Variants in SIPA1L2 observed in about 807,000 individuals in gnomAD.
The protein encoded by SIPA1L2 is signal induced proliferation associated 1 like 2, also known as signal-induced proliferation-associated 1-like protein 2.
Under a neutral mutation model 163.9 loss-of-function variants are expected in SIPA1L2, and 56 were observed. The ratio of observed to expected loss-of-function variants is 0.34; its 90% CI spans 0.28 to 0.43. SIPA1L2 has a LOEUF of 0.43. SIPA1L2 is among the 20% of genes least tolerant of loss of function. The probability of loss-of-function intolerance (pLI) is 1.00; values close to 1 mark genes in which losing one functional copy is unlikely to be tolerated. For missense variants in SIPA1L2, 1,974 were observed against 2,193.5 expected, an observed-to-expected ratio of 0.90 and a Z score of 2.00; for synonymous variants, 877 against 865.7, an observed-to-expected ratio of 1.01 and a Z score of -0.23.
chr1:232,484,820 T>G (rs996579216), intron 5 of SIPA1L2, among the ~76,000 whole-genome samples: 1 of 152,204 alleles, frequency 6.6e-6, no homozygotes, highest in Non-Finnish European at 1.5e-5. Flanking sequence ...ACCAGCAATC[T>G]GAGCCTGAAA....
intron 22 of SIPA1L2, 118 bp downstream of exon 22, chr1:232,402,274 C>T (rs1366940220): frequency 1.3e-6 from 1 of 746,188 alleles, no homozygotes; most frequent in Non-Finnish European, 2.1e-6. Flanking sequence ...TGGTATTTAT[C>T]ATTGGTTTTT....
chr1:232,578,148 A>G (rs535785919), intron 1 of SIPA1L2, among the ~76,000 whole-genome samples: 1 of 152,304 alleles, frequency 6.6e-6, no homozygotes, highest in South Asian at 2.1e-4. Flanking sequence ...AATCATTTGC[A>G]TTTTTTAGCA....
intron 1 of SIPA1L2, among the ~76,000 whole-genome samples, chr1:232,607,796 C>G (rs143897460): frequency 2.4e-4 from 36 of 151,752 alleles, no homozygotes; most frequent in Admixed American, 4.6e-4. Flanking sequence ...TATCTCATGC[C>G]TGTAATCCCA....
intron 3 of SIPA1L2, 69 bp from the exon 4 acceptor site, chr1:232,493,729 C>T (rs3737839): frequency 0.25 from 396,774 of 1,572,496 alleles, 51,661 homozygotes; most frequent in Admixed American, 0.4. Context: ...GGATATCTCT[C>T]AGTTTGTGTA....
rs954188446 is a variant in SIPA1L2 at position 232,422,447 on chromosome 1, T to C, written c.4630+3142A>G. ...CTGAAAGAGAAGCCTGTGACTATGA[T>C]AATTACATGTAGAAAAGGTGCAGAG... On this transcript the variant is annotated intron_variant, in intron 18 of 22. Coordinates refer to ENST00000674635, the MANE Select transcript of SIPA1L2 (RefSeq NM_020808.5). Among the ~76,000 whole-genome samples, 3 of 152,324 alleles carry C rather than the reference T, an allele frequency of 2.0e-5. No homozygotes were observed. The South Asian group carries it at 6.2e-4, about 32-fold the overall frequency.
At chr1:232,630,285 C>T (rs1001449795), upstream of SIPA1L2, among the ~76,000 whole-genome samples, 1 of 151,838 alleles carries the variant, frequency 6.6e-6, no homozygotes, top group Non-Finnish European at 1.5e-5. Context: ...CCGCCCGGCT[C>T]CGGGCGCAGC....
chr1:232,484,522 T>C (rs1026476973), intron 5 of SIPA1L2, among the ~76,000 whole-genome samples: 9 of 152,230 alleles, frequency 5.9e-5, no homozygotes, highest in Non-Finnish European at 8.8e-5. Flanking sequence ...AACATTAAAA[T>C]GTTTTGTTGC....
chr1:232,497,436 C>T (rs1422583844), intron 3 of SIPA1L2, among the ~76,000 whole-genome samples: 1 of 152,188 alleles, frequency 6.6e-6, no homozygotes, highest in African/African-American at 2.4e-5. Context: ...TTTCACTCCC[C>T]CACAGCCTGT....
intron 7 of SIPA1L2, among the ~76,000 whole-genome samples, chr1:232,478,808 T>TC (rs5781698): frequency 0.29 from 44,559 of 151,952 alleles, 7,287 homozygotes; most frequent in East Asian, 0.73. Flanking sequence ...ACTCAAGCAG[T>TC]AACATTCTTC....
intron 2 of SIPA1L2, among the ~76,000 whole-genome samples, chr1:232,526,708 T>C (rs919618233): frequency 5.3e-5 from 8 of 152,158 alleles, no homozygotes; most frequent in Admixed American, 2.6e-4. Context: ...CCTGAGTTGA[T>C]AACCCTAAAA....
chr1:232,578,643 T>C (rs1021894226), intron 1 of SIPA1L2, among the ~76,000 whole-genome samples: 2 of 152,204 alleles, frequency 1.3e-5, no homozygotes, highest in African/African-American at 4.8e-5. Flanking sequence ...CTAAATATCT[T>C]ATGCTTAATG....
At chr1:232,532,479 C>A (rs2103086718) in intron 2 of SIPA1L2, among the ~76,000 whole-genome samples, 1 of 152,302 alleles carries the variant, frequency 6.6e-6, no homozygotes, top group South Asian at 2.1e-4. Context: ...CACATGAAAC[C>A]TTGAAATCTT....
At chr1:232,408,398 C>A (rs1660764801) in intron 19 of SIPA1L2, among the ~76,000 whole-genome samples, 1 of 151,552 alleles carries the variant, frequency 6.6e-6, no homozygotes, top group Non-Finnish European at 1.5e-5. Flanking sequence ...TTTTTAATAA[C>A]TTTCTGTCAG....
At chr1:232,421,374 C>A (rs1432284225) in intron 18 of SIPA1L2, among the ~76,000 whole-genome samples, 1 of 152,164 alleles carries the variant, frequency 6.6e-6, no homozygotes, top group Non-Finnish European at 1.5e-5. Context: ...AACCTGAAAT[C>A]ACAGTAACCA....
intron 1 of SIPA1L2, among the ~76,000 whole-genome samples, chr1:232,583,859 GCCT>G (rs5781704): frequency 0.26 from 38,759 of 151,778 alleles, 4,952 homozygotes; most frequent in Non-Finnish European, 0.26. Context: ...TGTAACAAAG[GCCT>G]CAGAAGGAGC....
At chr1:232,444,400 C>G (rs1469382495) in intron 11 of SIPA1L2, among the ~76,000 whole-genome samples, 1 of 152,094 alleles carries the variant, frequency 6.6e-6, no homozygotes, top group Non-Finnish European at 1.5e-5. Context: ...GCCCCTTTTA[C>G]CAGGGCTATC....
At chr1:232,517,974 G>A (rs1667288707) in intron 2 of SIPA1L2, among the ~76,000 whole-genome samples, 1 of 152,130 alleles carries the variant, frequency 6.6e-6, no homozygotes, top group Non-Finnish European at 1.5e-5. Context: ...TTGAGCCCAG[G>A]AATTAGAGGT....
intron 8 of SIPA1L2, 107 bp downstream of exon 8, chr1:232,471,264 A>C (rs756590199): frequency 1.6e-4 from 202 of 1,250,966 alleles, no homozygotes; most frequent in South Asian, 4.1e-4. Flanking sequence ...AGTAATTAGA[A>C]AATCACAAAG....
intron 2 of SIPA1L2, among the ~76,000 whole-genome samples, chr1:232,566,592 C>T (rs1659418889): frequency 6.6e-6 from 1 of 152,202 alleles, no homozygotes; most frequent in African/African-American, 2.4e-5. Flanking sequence ...TTGTACAAAG[C>T]ATGACATTGC....
Sources: allele counts gnomAD v4.1 joint callset (sites outside exome capture counted in the v4.1 genomes callset), GRCh38; gene constraint gnomAD v4.1.1; transcripts MANE v1.5; gene names NCBI Gene and HGNC (gene_info 2026-07-23, HGNC 2026-07-21).